Variants in ATP9A observed in about 807,000 individuals in gnomAD.
The protein encoded by ATP9A is ATPase phospholipid transporting 9A, also known as probable phospholipid-transporting ATPase IIA.
ATP9A carries 52 observed loss-of-function variants against 144.1 expected under a neutral mutation model. The ratio of observed to expected loss-of-function variants is 0.36; its 90% CI spans 0.29 to 0.45. The LOEUF (loss-of-function observed/expected upper bound fraction) is 0.45, where lower values mean the gene tolerates loss of function less well. ATP9A is among the 20% of genes least tolerant of loss of function. ATP9A has a pLI of 1.00. For missense variants in ATP9A, 947 were observed against 1,392.7 expected (o/e 0.68, Z 5.09); for synonymous variants, 582 against 557.4 (o/e 1.04, Z -0.62).
At chr20:51,666,903 A>G (rs1046957710) in intron 13 of ATP9A, among the ~76,000 whole-genome samples, 1 of 152,202 alleles carries the variant, frequency 6.6e-6, no homozygotes, top group Non-Finnish European at 1.5e-5. Context: ...CTGGTTTTAA[A>G]AAAGCATGCA....
rs115376198 is a variant in ATP9A at position 51,659,637 on chromosome 20, A to G, written c.1294-2487T>C. ...CCAGATTCTACATTCTATTAAAAAC[A>G]TATTTATCCAACAGGAGAGAAGTGA... On this transcript the variant is annotated intron_variant, in intron 13 of 27. Transcript: ENST00000338821. Among the ~76,000 whole-genome samples the G allele has an allele frequency of 8.1e-3, 1,235 of 152,314 alleles. 19 individuals are homozygous for G. Among genetic ancestry groups the G allele is most frequent in the East Asian group, 0.04 (207 of 5,188 alleles).
At chr20:51,634,725 C>T (rs1161064690) in intron 15 of ATP9A, among the ~76,000 whole-genome samples, 1 of 151,818 alleles carries the variant, frequency 6.6e-6, no homozygotes. Flanking sequence ...CATGGTAGCA[C>T]ATGCCTGTAA....
chr20:51,671,188 G>A lies in ATP9A; in HGVS notation c.1107C>T (p.Pro369=), dbSNP rs746061828. Reference sequence around the variant, plus strand: ...TCGTGCTGGAGCGAACCACGGTCCCGGGGATTTTCGAGTCCCTTCGAATCA... The same window carrying A: ...TCGTGCTGGAGCGAACCACGGTCCCAGGGATTTTCGAGTCCCTTCGAATCA... ...SWVIRRDSKI[P]GTVVRSSTIP... The change falls in exon 12 of 28, where the codon CCC becomes CCT. Residue 369 remains proline (P), a synonymous_variant. Coordinates refer to ENST00000338821, the MANE Select transcript of ATP9A (RefSeq NM_006045.3). 1.3e-4 allele frequency: 210 copies of A among 1,613,936 alleles called. No homozygotes were observed. Among genetic ancestry groups the A allele is most frequent in the Non-Finnish European group, 1.5e-4 (182 of 1,179,992 alleles).
At chr20:51,718,905 G>A (rs187542124) in intron 3 of ATP9A, among the ~76,000 whole-genome samples, 164 of 147,654 alleles carry the variant, frequency 1.1e-3, no homozygotes, top group African/African-American at 4.0e-3. Flanking sequence ...CAAGGCAGGT[G>A]GATCACGAGG....
At chr20:51,728,472 C>CA (rs2077725354) in intron 2 of ATP9A, among the ~76,000 whole-genome samples, 1 of 151,754 alleles carries the variant, frequency 6.6e-6, no homozygotes, top group South Asian at 2.1e-4. Context: ...ACTAAAAATA[C>CA]AAAAAATTAG....
At chr20:51,648,492 T>C (rs2077351055) in intron 14 of ATP9A, among the ~76,000 whole-genome samples, 1 of 152,160 alleles carries the variant, frequency 6.6e-6, no homozygotes. Flanking sequence ...ATAGAACAAA[T>C]ACTCTGTGGT....
intron 1 of ATP9A, among the ~76,000 whole-genome samples, chr20:51,745,599 A>C (rs1408701486): frequency 6.6e-6 from 1 of 152,134 alleles, no homozygotes; most frequent in African/African-American, 2.4e-5. Context: ...AGTGGGTAGA[A>C]GCCAGGGATA....
Position 51,605,038 on chromosome 20 carries a change from G to C in ATP9A, c.2804-18C>G. On this transcript the variant is annotated intron_variant, in intron 26 of 27. Transcript: ENST00000338821. ...GGTGCTCCCTGCAAACACCAGAGAA[G>C]GGTATTCCCCTCACCCTCCCTGCGA... 4.4e-6 allele frequency: 7 copies of C among 1,585,304 alleles called. No individual in the cohort carries two copies. The highest frequency in any genetic ancestry group is 6.0e-6 in the Non-Finnish European group (7 of 1,164,636).
chr20:51,717,183 A>G, intron 3 of ATP9A, among the ~76,000 whole-genome samples: 1 of 151,940 alleles, frequency 6.6e-6, no homozygotes, highest in Non-Finnish European at 1.5e-5. Flanking sequence ...AAAAAAAAAA[A>G]AAAAAAAAGA....
At chr20:51,617,278 G>A (rs1215086364) in intron 22 of ATP9A, among the ~76,000 whole-genome samples, 1 of 152,026 alleles carries the variant, frequency 6.6e-6, no homozygotes, top group Non-Finnish European at 1.5e-5. Context: ...AATTCAGGTC[G>A]TGGCAAACAA....
At position 51,613,698 on chromosome 20, in the gene ATP9A, G is replaced by A; in HGVS notation, c.2550C>T (p.Ser850=). The part of the protein sequence containing the change: ...AALSQFVIHR[S]LCISTMQAVF... ...TCACCTGCATGGTGCTGATACAGAGGCTCCTGTGAATCACGAACTGGCTGA... is the reference window on the plus strand; with the variant it reads ...TCACCTGCATGGTGCTGATACAGAGACTCCTGTGAATCACGAACTGGCTGA... The change falls in exon 23 of 28, where the codon AGC becomes AGT. Residue 850 remains serine, a synonymous_variant. Coordinates refer to ENST00000338821, the MANE Select transcript of ATP9A (RefSeq NM_006045.3). 3.1e-6 allele frequency: 5 copies of A among 1,614,112 alleles called. No individual in the cohort carries two copies. The highest frequency in any genetic ancestry group is 3.4e-6 in the Non-Finnish European group (4 of 1,179,986).
Position 51,599,885 on chromosome 20 carries a change from G to GT in ATP9A, c.*1325dup, listed in dbSNP as rs1310607515. On this transcript the variant is annotated 3_prime_UTR_variant, in exon 28 of 28. Coordinates refer to ENST00000338821, the MANE Select transcript of ATP9A (RefSeq NM_006045.3). ...AACTTAACCCTTATGGCATGCATATGTGGCTTCTGCAAGAAGCAACTTGAA... is the reference window on the plus strand; with the variant it reads ...AACTTAACCCTTATGGCATGCATATGTTGGCTTCTGCAAGAAGCAACTTGAA... The GT allele has an allele frequency of 1.3e-5, 2 of 152,230 alleles. No homozygotes were observed. The highest frequency in any genetic ancestry group is 4.8e-5 in the African/African-American group (2 of 41,438). 9.4% of individuals were successfully genotyped at this position (152,230 alleles called of 1,614,324 possible). A position where few individuals can be genotyped will look rare whatever the true frequency, so the allele number is the denominator to read the frequency against.
chr20:51,672,960 T>C (rs968797702), intron 11 of ATP9A, among the ~76,000 whole-genome samples: 4 of 152,164 alleles, frequency 2.6e-5, no homozygotes, highest in Non-Finnish European at 5.9e-5. Context: ...AAAAAGTATA[T>C]CCCATACTAT....
intron 4 of ATP9A, among the ~76,000 whole-genome samples, chr20:51,709,461 G>A (rs939629585): frequency 4.6e-5 from 7 of 152,196 alleles, no homozygotes; most frequent in African/African-American, 1.7e-4. Flanking sequence ...GTTGCAGTGA[G>A]CCGAGATCGC....
chr20:51,620,710 C>CA (rs2077223249), intron 19 of ATP9A, among the ~76,000 whole-genome samples: 1 of 151,776 alleles, frequency 6.6e-6, no homozygotes, highest in Non-Finnish European at 1.5e-5. Flanking sequence ...AAACTGCCAA[C>CA]AAAAAGCATA....
chr20:51,759,072 G>A (rs1376895774), intron 1 of ATP9A, among the ~76,000 whole-genome samples: 1 of 152,224 alleles, frequency 6.6e-6, no homozygotes, highest in Non-Finnish European at 1.5e-5. Flanking sequence ...TCTGGTTTTG[G>A]TCAGCACAAG....
chr20:51,727,591 T>C (rs1290707038), intron 2 of ATP9A, among the ~76,000 whole-genome samples: 1 of 150,992 alleles, frequency 6.6e-6, no homozygotes, highest in Non-Finnish European at 1.5e-5. Context: ...CCTCAAAAAA[T>C]AAAAAGTGAA....
intron 9 of ATP9A, among the ~76,000 whole-genome samples, chr20:51,688,354 A>T (rs2077532520): frequency 6.6e-6 from 1 of 152,138 alleles, no homozygotes; most frequent in Admixed American, 6.6e-5. Context: ...GCACTTAGGG[A>T]GGCTGAGGTG....
chr20:51,690,363 T>C (rs1000320577), intron 8 of ATP9A, among the ~76,000 whole-genome samples: 1 of 151,680 alleles, frequency 6.6e-6, no homozygotes, highest in African/African-American at 2.4e-5. Context: ...GAGCCTGCAG[T>C]GAGCCGAGAT....
Sources: allele counts gnomAD v4.1 joint callset (sites outside exome capture counted in the v4.1 genomes callset), GRCh38; gene constraint gnomAD v4.1.1; transcripts MANE v1.5; gene names NCBI Gene and HGNC (gene_info 2026-07-23, HGNC 2026-07-21).